Variants in ZZEF1 observed in about 807,000 individuals in gnomAD.
ZZEF1 encodes the protein zinc finger ZZ-type and EF-hand domain containing 1.
In ZZEF1, 157 loss-of-function variants were observed where a neutral mutation model predicts 342.8. The observed-to-expected ratio is 0.46, with a 90% CI of 0.40 to 0.52. The LOEUF (loss-of-function observed/expected upper bound fraction) is 0.52, where lower values mean the gene tolerates loss of function less well. Among genes scored for constraint, ZZEF1 ranks in the 20% least tolerant of loss-of-function variants. The pLI is 0.00. For synonymous variants in ZZEF1, 1,505 were observed against 1,429.1 expected (o/e 1.05, Z -1.20); for missense variants, 3,480 against 3,725.6 (o/e 0.93, Z 1.72).
At chr17:4,051,435 A>G (rs2057042990) in intron 35 of ZZEF1, among the ~76,000 whole-genome samples, 1 of 152,070 alleles carries the variant, frequency 6.6e-6, no homozygotes, top group Non-Finnish European at 1.5e-5. Context: ...GTATTTATTT[A>G]TTTGAGATGG....
chr17:4,111,572 T>C (rs970637931), intron 5 of ZZEF1, among the ~76,000 whole-genome samples: 7 of 150,584 alleles, frequency 4.6e-5, no homozygotes, highest in Non-Finnish European at 8.8e-5. Context: ...GGCAGGAGAA[T>C]TGCGTGAACC....
intron 45 of ZZEF1, among the ~76,000 whole-genome samples, chr17:4,020,395 G>T (rs768354744): frequency 1.3e-5 from 2 of 152,192 alleles, no homozygotes; most frequent in Non-Finnish European, 2.9e-5. Flanking sequence ...CTGTGCCAGG[G>T]GATGCAAACT....
At chr17:4,130,927 GA>G (rs1567868600) in intron 1 of ZZEF1, among the ~76,000 whole-genome samples, 1 of 152,118 alleles carries the variant, frequency 6.6e-6, no homozygotes, top group East Asian at 1.9e-4. Context: ...TCAAGAATCC[GA>G]ATGGGACTCG....
At chr17:4,102,906 T>C (rs2058150590) in intron 8 of ZZEF1, among the ~76,000 whole-genome samples, 1 of 152,100 alleles carries the variant, frequency 6.6e-6, no homozygotes, top group Admixed American at 6.5e-5. Context: ...TATATATTTA[T>C]ATATACATAT....
chr17:4,108,123 T>A (rs1251032275), intron 6 of ZZEF1, among the ~76,000 whole-genome samples: 1 of 152,228 alleles, frequency 6.6e-6, no homozygotes, highest in African/African-American at 2.4e-5. Context: ...GCCTTCAACG[T>A]ATTTATTAAT....
intron 1 of ZZEF1, among the ~76,000 whole-genome samples, chr17:4,132,338 C>A (rs2058673637): frequency 6.6e-6 from 1 of 152,082 alleles, no homozygotes; most frequent in South Asian, 2.1e-4. Flanking sequence ...CATGCGCCAC[C>A]ATACGTGGCT....
intron 3 of ZZEF1, among the ~76,000 whole-genome samples, 194 bp from the exon 4 acceptor site, chr17:4,114,664 T>C (rs2058366109): frequency 6.6e-6 from 1 of 152,192 alleles, no homozygotes; most frequent in South Asian, 2.1e-4. Context: ...GTGTCAAATA[T>C]GCCTCCCTCA....
At position 4,045,348 on chromosome 17, in the gene ZZEF1, C is replaced by A. The variant is rs187599310; in HGVS notation, c.6016-974G>T. Among the ~76,000 whole-genome samples, 213 of 152,216 alleles carry A rather than the reference C, an allele frequency of 1.4e-3. 1 individual carries two copies. The highest frequency in any genetic ancestry group is 4.8e-3 in the African/African-American group (200 of 41,554). Reference sequence around the variant, plus strand: ...GCTATGAAATTCTTTCTTTCTTTTTCTTTTGACTCTGTGAGTATAAAAAGT... The same window carrying A: ...GCTATGAAATTCTTTCTTTCTTTTTATTTTGACTCTGTGAGTATAAAAAGT... On this transcript the variant is annotated intron_variant, in intron 37 of 54. Transcript: ENST00000381638.
rs2055796648 is a variant in ZZEF1, at chr17:4,006,201, AAAT to A, written c.*686_*688del. ...CTCTAAAAACGTGAGGTGGAAACTG[AAAT>A]ATGTCAAAACAACAACTGAGGAACT... is the stretch of plus-strand genomic sequence containing the variant. On this transcript the variant is annotated 3_prime_UTR_variant, in exon 55 of 55. Transcript: ENST00000381638. 6.5e-6 allele frequency: 1 copy of A among 154,584 alleles called. No homozygotes were observed. Among genetic ancestry groups the A allele is most frequent in the Non-Finnish European group, 1.4e-5 (1 of 69,624 alleles). The allele number at this position is 154,584 out of a possible 1,614,324, so 9.6% of individuals were successfully genotyped here.
chr17:4,029,164 T>C (rs2056481488), intron 42 of ZZEF1, among the ~76,000 whole-genome samples: 1 of 152,164 alleles, frequency 6.6e-6, no homozygotes, highest in Non-Finnish European at 1.5e-5. Context: ...GCACATGCAT[T>C]CTCTTCAAGT....
intron 1 of ZZEF1, among the ~76,000 whole-genome samples, chr17:4,129,334 G>C (rs1393855633): frequency 6.6e-6 from 1 of 152,098 alleles, no homozygotes; most frequent in African/African-American, 2.4e-5. Flanking sequence ...TCCTCAAAAA[G>C]CTAAAAACAG....
At position 4,019,735 on chromosome 17, in the gene ZZEF1, AT is replaced by A; in HGVS notation, c.7438del (p.Ile2480PhefsTer10). On this transcript the variant is annotated frameshift_variant, in exon 46 of 55. Transcript: ENST00000381638. LOFTEE classifies it high-confidence loss of function. ...CTGCAGTTCGTATATGGCCCGGAGA[AT>A]GTGCAGAGGGGCATTGAGGGCATCA... ...AHDALNAPLH[I>X]LRAIYELQMK... 1 of 1,612,552 alleles carries A rather than the reference AT, an allele frequency of 6.2e-7. No individual in the cohort carries two copies. Among genetic ancestry groups the A allele is most frequent in the Non-Finnish European group, 8.5e-7 (1 of 1,179,578 alleles).
rs1597836829 is a variant in ZZEF1, at chr17:4,064,713, G to A, written c.4366C>T (p.Leu1456Phe). The change falls in exon 29 of 55, where the codon CTC becomes TTC. Residue 1456 changes from leucine to phenylalanine, a missense_variant. Leu to Phe is a conservative substitution (Grantham distance 22). Transcript: ENST00000381638. ...TADETSHLQP[L>F]NKRQRTSSVV... is the part of the protein sequence containing the mutation. ...GAGCTTGTCCTCTGACGCTTGTTGA[G>A]TGGCTGGAGATGACTGGTTTCATCA... 1 of 1,614,208 alleles carries A rather than the reference G, an allele frequency of 6.2e-7. No individual in the cohort carries two copies. Among genetic ancestry groups the A allele is most frequent in the Non-Finnish European group, 8.5e-7 (1 of 1,180,052 alleles).
Position 4,009,679 on chromosome 17 carries a change from C to T in ZZEF1, c.8658G>A (p.Val2886=). Residue 2886 remains valine (V), a synonymous_variant, in exon 53 of 55, where the codon GTG becomes GTA. Transcript: ENST00000381638. ...THMEYGLFED[V]TQPGILLPLH... is the part of the protein sequence containing the mutation. ...GGGGAAGGAGGATGCCGGGCTGCGTCACGTCCTCAAACAGGCCGTACTCCA... is the reference window on the plus strand; with the variant it reads ...GGGGAAGGAGGATGCCGGGCTGCGTTACGTCCTCAAACAGGCCGTACTCCA... The T allele has an allele frequency of 6.2e-7, 1 of 1,614,108 alleles. No homozygotes were observed. Among genetic ancestry groups the T allele is most frequent in the East Asian group, 2.2e-5 (1 of 44,880 alleles).
At chr17:4,091,754 G>A (rs910112631) in intron 11 of ZZEF1, among the ~76,000 whole-genome samples, 1 of 151,468 alleles carries the variant, frequency 6.6e-6, no homozygotes, top group African/African-American at 2.4e-5. Flanking sequence ...TCCAGCCTGG[G>A]TGACAGAGCA....
At position 4,124,061 on chromosome 17, in the gene ZZEF1, A is replaced by G. The variant is rs1189434573; in HGVS notation, c.355-10T>C. The G allele has an allele frequency of 3.1e-6, 5 of 1,595,364 alleles. No homozygotes were observed. The highest frequency in any genetic ancestry group is 4.3e-6 in the Non-Finnish European group (5 of 1,170,510). On this transcript the variant is annotated splice_polypyrimidine_tract_variant and intron_variant, in intron 1 of 54. Coordinates refer to ENST00000381638, the MANE Select transcript of ZZEF1 (RefSeq NM_015113.4). ...CAAACTGGGCAAAGGCCTACAAGAT[A>G]AGAGATGCAAGAAAATCAGGGCTGT...
At chr17:4,140,556 T>C (rs1380953197) in intron 1 of ZZEF1, among the ~76,000 whole-genome samples, 1 of 152,222 alleles carries the variant, frequency 6.6e-6, no homozygotes, top group African/African-American at 2.4e-5. Context: ...TCCACTGTCA[T>C]CCAAGTGAGT....
chr17:4,024,185 G>GTTTTTTTTTTTTTTTTT (rs1491483468), intron 43 of ZZEF1, among the ~76,000 whole-genome samples: 1 of 83,976 alleles, frequency 1.2e-5, no homozygotes, highest in African/African-American at 7.1e-5. Flanking sequence ...ATATTGCCCA[G>GTTTTTTTTTTTTTTTTT]GTTTTTTTTT....
At chr17:4,086,125 T>C (rs1009864313) in intron 15 of ZZEF1, among the ~76,000 whole-genome samples, 7 of 152,188 alleles carry the variant, frequency 4.6e-5, no homozygotes, top group African/African-American at 1.7e-4. Flanking sequence ...AGTGACTTAG[T>C]TGAAGTTAAG....
Sources: allele counts gnomAD v4.1 joint callset (sites outside exome capture counted in the v4.1 genomes callset), GRCh38; gene constraint gnomAD v4.1.1; transcripts MANE v1.5; gene names NCBI Gene and HGNC (gene_info 2026-07-23, HGNC 2026-07-21).